FARP1: variants seen among roughly 807,000 people sequenced by gnomAD.
The protein encoded by FARP1 is FERM, ARH/RhoGEF and pleckstrin domain protein 1.
A neutral mutation model predicts 128.8 loss-of-function variants in FARP1; 52 were observed. That is an observed-to-expected ratio of 0.40 (90% CI 0.32 to 0.51). FARP1 has a LOEUF of 0.51. Ranked by LOEUF, FARP1 falls within the 20% of genes least tolerant of loss-of-function variation. The pLI is 0.45. For missense variants in FARP1, 1,333 were observed against 1,367.9 expected (o/e 0.97, Z 0.40); for synonymous variants, 580 against 551.8 (o/e 1.05, Z -0.72).
intron 16 of FARP1, among the ~76,000 whole-genome samples, chr13:98,417,393 C>G (rs1386666341): frequency 7.2e-6 from 1 of 138,964 alleles, no homozygotes; most frequent in African/African-American, 2.7e-5. Context: ...AGCTTGCTTT[C>G]CATAAACGTA....
intron 2 of FARP1, among the ~76,000 whole-genome samples, chr13:98,219,422 A>T (rs762199609): frequency 5.4e-5 from 8 of 148,000 alleles, no homozygotes; most frequent in Non-Finnish European, 1.2e-4. Context: ...TGGCATGATC[A>T]TAGCTCACTG....
At chr13:98,147,642 C>G (rs1339562600) in intron 1 of FARP1, among the ~76,000 whole-genome samples, 1 of 151,662 alleles carries the variant, frequency 6.6e-6, no homozygotes, top group Admixed American at 6.6e-5. Context: ...AGTATAGTAT[C>G]TGAATATAGC....
At chr13:98,284,624 A>T (rs1325226790) in intron 2 of FARP1, among the ~76,000 whole-genome samples, 1 of 144,544 alleles carries the variant, frequency 6.9e-6, no homozygotes, top group Non-Finnish European at 1.5e-5. Flanking sequence ...GGATATCTAG[A>T]CTTTTCCAAA....
chr13:98,176,939 C>T lies in FARP1; in HGVS notation c.-24+33447C>T. Reference sequence around the variant, plus strand: ...ATGTCCTCTGGCCCCACAGGCTTCGCCGAGCGGGTGGACCTGTACACCACG... The same window carrying T: ...ATGTCCTCTGGCCCCACAGGCTTCGTCGAGCGGGTGGACCTGTACACCACG... On this transcript the variant is annotated intron_variant, in intron 1 of 26. Transcript: ENST00000319562. This position sits in a 1 kb window ranked among gnomAD's most constrained non-coding sequence, Gnocchi z 6.2. 6.2e-7 allele frequency: 1 copy of T among 1,602,870 alleles called. No individual in the cohort carries two copies. The highest frequency in any genetic ancestry group is 8.5e-7 in the Non-Finnish European group (1 of 1,179,900).
intron 2 of FARP1, among the ~76,000 whole-genome samples, chr13:98,286,463 G>A (rs1440200991): frequency 1.3e-5 from 2 of 152,164 alleles, no homozygotes; most frequent in African/African-American, 4.8e-5. Context: ...TCTCATGGTA[G>A]TGAGTAAGTC....
chr13:98,197,820 T>C lies in FARP1; in HGVS notation c.-23-15400T>C, dbSNP rs143909378. On this transcript the variant is annotated intron_variant, in intron 1 of 26. Coordinates refer to ENST00000319562, the MANE Select transcript of FARP1 (RefSeq NM_005766.4). ...CGGCTAATTTTTTGTACTTTTTTAG[T>C]AGAGACGGGGTTTCACTGTTTAGCC... 4.7e-3 allele frequency among the ~76,000 whole-genome samples: 720 copies of C among 151,958 alleles called. 2 individuals carry two copies. The highest frequency in any genetic ancestry group is 0.027 in the Middle Eastern group (8 of 294).
At chr13:98,261,268 A>G (rs1883866927) in intron 2 of FARP1, among the ~76,000 whole-genome samples, 1 of 152,118 alleles carries the variant, frequency 6.6e-6, no homozygotes, top group Non-Finnish European at 1.5e-5. Context: ...GGCAGAGCTC[A>G]TGTGTGGGCG....
At chr13:98,414,272 C>CTA (rs1891297445) in intron 16 of FARP1, among the ~76,000 whole-genome samples, 1 of 152,160 alleles carries the variant, frequency 6.6e-6, no homozygotes, top group South Asian at 2.1e-4. Flanking sequence ...GTAAAGTTCT[C>CTA]AAAGCTAGAG....
intron 2 of FARP1, chr13:98,233,812 T>C (rs1882276115): frequency 6.6e-6 from 1 of 152,222 alleles, no homozygotes; most frequent in Non-Finnish European, 1.5e-5. Flanking sequence ...CTTCTGCCAG[T>C]GCAGGAGGCT....
At chr13:98,319,841 G>A (rs1886912321) in intron 2 of FARP1, among the ~76,000 whole-genome samples, 1 of 151,702 alleles carries the variant, frequency 6.6e-6, no homozygotes, top group Non-Finnish European at 1.5e-5. Context: ...CAGTTGCTGG[G>A]GGAAAAAAAC....
intron 15 of FARP1, 26 bp downstream of exon 15, chr13:98,410,849 A>C: frequency 8.5e-7 from 1 of 1,181,656 alleles, no homozygotes; most frequent in Non-Finnish European, 1.3e-6. Context: ...CCCCAAAAGC[A>C]TTCGATTACA....
At chr13:98,175,195 A>G (rs1316703395) in intron 1 of FARP1, among the ~76,000 whole-genome samples, 2 of 152,146 alleles carry the variant, frequency 1.3e-5, no homozygotes, top group Admixed American at 1.3e-4. Flanking sequence ...TTGATATATG[A>G]GATAGGCTCT....
chr13:98,256,706 T>C (rs962262344), intron 2 of FARP1, among the ~76,000 whole-genome samples: 1 of 151,340 alleles, frequency 6.6e-6, no homozygotes, highest in Non-Finnish European at 1.5e-5. Flanking sequence ...ATTACAGGCA[T>C]ATGCTACCAT....
At chr13:98,236,131 G>A (rs879499479) in intron 2 of FARP1, among the ~76,000 whole-genome samples, 8 of 152,240 alleles carry the variant, frequency 5.3e-5, no homozygotes, top group Non-Finnish European at 8.8e-5. Context: ...TTTGTGACTG[G>A]CTTCTTTTCT....
At chr13:98,180,792 A>C (rs11620376) in intron 1 of FARP1, among the ~76,000 whole-genome samples, 23,249 of 152,162 alleles carry the variant, frequency 0.15, 2,333 homozygotes, top group Middle Eastern at 0.24. Flanking sequence ...GCCTGAGTGC[A>C]GTCTGCTGTG....
chr13:98,367,481 TTTTC>T (rs201234005), intron 4 of FARP1, among the ~76,000 whole-genome samples: 1,874 of 150,206 alleles, frequency 0.012, 37 homozygotes, highest in African/African-American at 0.044. Context: ...GTCTGTCCTG[TTTTC>T]TTTCTTTTTT....
chr13:98,148,667 A>C (rs560954571), intron 1 of FARP1, among the ~76,000 whole-genome samples: 1 of 152,276 alleles, frequency 6.6e-6, no homozygotes, highest in African/African-American at 2.4e-5. Flanking sequence ...GTTGGTGGTA[A>C]CTTCAGTTTC....
At chr13:98,430,900 T>C (rs1323222183) in intron 17 of FARP1, 143 bp from the exon 18 acceptor site, 1 of 641,010 alleles carries the variant, frequency 1.6e-6, no homozygotes, top group Non-Finnish European at 2.8e-6. Flanking sequence ...GAGTGAACTA[T>C]GAACAATGTG....
rs537555392 is a variant in FARP1, at chr13:98,448,840, G to A, written c.*523G>A. On this transcript the variant is annotated 3_prime_UTR_variant, in exon 27 of 27. Coordinates refer to ENST00000319562, the MANE Select transcript of FARP1 (RefSeq NM_005766.4). The stretch of plus-strand genomic sequence containing the variant: ...CAGTCTTTCTACTTTTGTAATAATA[G>A]GAAGTTAGTAGGACTCACTTCTCTG... 4 of 152,162 alleles carry A rather than the reference G, an allele frequency of 2.6e-5. No homozygotes were observed. In the South Asian group the frequency reaches 8.3e-4, roughly 32 times the overall value. The allele number at this position is 152,162 out of a possible 1,614,324, so 9.4% of individuals were successfully genotyped here.
Sources: gnomAD v4.1 joint callset for allele counts (sites outside exome capture counted in the v4.1 genomes callset) on GRCh38, gnomAD v4.1.1 for gene constraint, Gnocchi (gnomAD v3.1) non-coding constraint, MANE v1.5 for transcripts, NCBI Gene and HGNC (gene_info 2026-07-23, HGNC 2026-07-21) for gene names.